Variants in UFD1 observed in about 807,000 individuals in gnomAD.
UFD1 encodes the protein ubiquitin recognition factor in ER-associated degradation protein 1.
In UFD1, 13 loss-of-function variants were observed where a neutral mutation model predicts 45.9. The observed-to-expected ratio is 0.28, with a 90% CI of 0.18 to 0.45. The LOEUF is 0.45. Ranked by LOEUF, UFD1 falls within the 20% of genes least tolerant of loss-of-function variation. The pLI, the probability that UFD1 is intolerant of heterozygous loss-of-function variation, is 1.00. For missense variants in UFD1, 218 were observed against 389.2 expected (o/e 0.56, Z 3.70); for synonymous variants, 128 against 139.2 (o/e 0.92, Z 0.56).
chr22:19,461,684 A>C (rs2089767727), intron 6 of UFD1, among the ~76,000 whole-genome samples: 1 of 152,184 alleles, frequency 6.6e-6, no homozygotes, highest in Non-Finnish European at 1.5e-5. Flanking sequence ...TATTTTTAGA[A>C]TATCTAAGAG....
At chr22:19,454,659 A>G in intron 11 of UFD1, 90 bp downstream of exon 11, 1 of 1,598,486 alleles carries the variant, frequency 6.3e-7, no homozygotes, top group Non-Finnish European at 8.5e-7. Flanking sequence ...ACTAATGCAC[A>G]CCCCTACTCA....
intron 1 of UFD1, among the ~76,000 whole-genome samples, chr22:19,476,833 CCT>C (rs1568904352): frequency 6.6e-6 from 1 of 151,008 alleles, no homozygotes; most frequent in East Asian, 2.0e-4. Flanking sequence ...ATAGTGAAAC[CCT>C]CTCTCTACTA....
intron 4 of UFD1, among the ~76,000 whole-genome samples, chr22:19,468,592 G>C (rs1422170739): frequency 6.6e-6 from 1 of 152,128 alleles, no homozygotes; most frequent in Non-Finnish European, 1.5e-5. Flanking sequence ...ATGAGTACTG[G>C]GTGTGCAGGG....
intron 11 of UFD1, chr22:19,451,473 C>CT (rs1251107303): frequency 1.0e-6 from 1 of 985,298 alleles, no homozygotes; most frequent in African/African-American, 1.7e-5. Flanking sequence ...TTCCACTAAG[C>CT]TATCCTTCCA....
chr22:19,456,735 G>T, intron 8 of UFD1, 101 bp from the exon 9 acceptor site: 1 of 1,613,308 alleles, frequency 6.2e-7, no homozygotes, highest in Non-Finnish European at 8.5e-7. Flanking sequence ...AGCATGGCTG[G>T]AAGGGACGCA....
chr22:19,467,550 C>A, intron 5 of UFD1: 1 of 257,054 alleles, frequency 3.9e-6, no homozygotes, highest in Non-Finnish European at 7.5e-6. Flanking sequence ...GAGCTGAAGG[C>A]AGATAAGCTG....
intron 8 of UFD1, 31 bp from the exon 9 acceptor site, chr22:19,456,665 C>T: frequency 6.2e-7 from 1 of 1,614,178 alleles, no homozygotes; most frequent in Non-Finnish European, 8.5e-7. Flanking sequence ...CAGGTGAGCT[C>T]CTCAGCGGGG....
At chr22:19,453,900 C>G (rs567010624) in intron 11 of UFD1, 1 of 985,468 alleles carries the variant, frequency 1.0e-6, no homozygotes, top group African/African-American at 1.7e-5. Context: ...GAAAAGGAAC[C>G]AGGAGAGCGA....
intron 1 of UFD1, among the ~76,000 whole-genome samples, chr22:19,476,947 C>G (rs1417761003): frequency 1.5e-5 from 2 of 134,038 alleles, no homozygotes; most frequent in Non-Finnish European, 3.0e-5. Flanking sequence ...GTGGAAGTTG[C>G]AGTGAGCCGA....
At chr22:19,468,816 T>G (rs555063719) in intron 4 of UFD1, among the ~76,000 whole-genome samples, 9 of 152,158 alleles carry the variant, frequency 5.9e-5, no homozygotes, top group Non-Finnish European at 1.2e-4. Flanking sequence ...CAAGCCACAT[T>G]AGATGCCCTG....
At chr22:19,476,008 C>T (rs1358165626) in intron 1 of UFD1, among the ~76,000 whole-genome samples, 2 of 152,176 alleles carry the variant, frequency 1.3e-5, no homozygotes, top group East Asian at 3.9e-4. Context: ...AAGCACCACT[C>T]CAGTGATGTC....
At chr22:19,456,740 G>A (rs1193346752) in intron 8 of UFD1, 106 bp from the exon 9 acceptor site, 72 of 1,613,306 alleles carry the variant, frequency 4.5e-5, no homozygotes, top group Non-Finnish European at 5.9e-5. Context: ...GGCTGGAAGG[G>A]ACGCAGAGGA....
chr22:19,472,593 CAA>C (rs901976694), intron 3 of UFD1, among the ~76,000 whole-genome samples: 14 of 152,240 alleles, frequency 9.2e-5, no homozygotes, highest in African/African-American at 3.4e-4. Context: ...GAAGGGCTGG[CAA>C]AAAGAGGCAG....
rs766442300 is a variant in UFD1 at position 19,455,819 on chromosome 22, A to G, written c.679-51T>C. 5.2e-6 allele frequency: 8 copies of G among 1,544,298 alleles called. No homozygotes were observed. The South Asian group carries it at 6.7e-5, about 13-fold the overall frequency. On this transcript the variant is annotated intron_variant, in intron 9 of 11. Transcript: ENST00000263202. ...TAATAAGCCCAAGTGTGAGGACGAT[A>G]TGTCCTTTGCTTGGAGATCACTGCA...
intron 1 of UFD1, among the ~76,000 whole-genome samples, chr22:19,477,836 CAT>C (rs1318097133): frequency 7.2e-5 from 11 of 152,174 alleles, no homozygotes; most frequent in African/African-American, 2.7e-4. Context: ...AAAATGCAAA[CAT>C]AGCATGTTCC....
At chr22:19,474,162 G>T (rs1162500684) in intron 3 of UFD1, among the ~76,000 whole-genome samples, 1 of 152,188 alleles carries the variant, frequency 6.6e-6, no homozygotes, top group African/African-American at 2.4e-5. Flanking sequence ...GTAAGAGGCA[G>T]GAGCCCAGCA....
chr22:19,450,491 C>T lies in UFD1; in HGVS notation c.*179G>A. ...GTCTTTCCCCAAATCAAGCATACAA[C>T]TACAAAGTCCTGCTGCTCCACTTCC... On this transcript the variant is annotated 3_prime_UTR_variant, in exon 12 of 12. Coordinates refer to ENST00000263202, the MANE Select transcript of UFD1 (RefSeq NM_005659.7). 1.3e-6 allele frequency: 1 copy of T among 769,550 alleles called. No individual in the cohort carries two copies. Among genetic ancestry groups the T allele is most frequent in the Non-Finnish European group, 2.0e-6 (1 of 495,676 alleles). The allele number at this position is 769,550 out of a possible 1,614,324, so 47.7% of individuals were successfully genotyped here.
At chr22:19,451,015 T>C in intron 11 of UFD1, 1 of 1,090,980 alleles carries the variant, frequency 9.2e-7, no homozygotes, top group Non-Finnish European at 1.1e-6. Flanking sequence ...TCCCAGCTAC[T>C]TGGGAGGCTG....
intron 11 of UFD1, chr22:19,451,571 G>A: frequency 1.0e-6 from 1 of 985,324 alleles, no homozygotes; most frequent in Non-Finnish European, 1.2e-6. Context: ...TCAGTCTGAG[G>A]CATTATCTCA....
Sources: allele counts gnomAD v4.1 joint callset (sites outside exome capture counted in the v4.1 genomes callset), GRCh38; gene constraint gnomAD v4.1.1; transcripts MANE v1.5; gene names NCBI Gene and HGNC (gene_info 2026-07-23, HGNC 2026-07-21).